USP32: variants seen among roughly 807,000 people sequenced by gnomAD.
USP32 encodes the protein ubiquitin specific peptidase 32.
A neutral mutation model predicts 204.8 loss-of-function variants in USP32; 59 were observed. The ratio of observed to expected loss-of-function variants is 0.29; its 90% CI spans 0.23 to 0.36. USP32 has a LOEUF of 0.36. USP32 is among the 10% of genes least tolerant of loss of function. The pLI, the probability that USP32 is intolerant of heterozygous loss-of-function variation, is 1.00. For missense variants in USP32, 1,160 were observed against 1,946.4 expected (o/e 0.60, Z 7.60); for synonymous variants, 517 against 678.4 (o/e 0.76, Z 3.70).
intron 10 of USP32, among the ~76,000 whole-genome samples, chr17:60,254,575 T>G (rs1181937547): frequency 2.0e-5 from 3 of 152,188 alleles, no homozygotes; most frequent in Admixed American, 1.3e-4. Context: ...GGCACATGCC[T>G]ATAGTCCCAG....
At chr17:60,198,884 C>T (rs1275837237) in intron 26 of USP32, among the ~76,000 whole-genome samples, 1 of 152,138 alleles carries the variant, frequency 6.6e-6, no homozygotes, top group Non-Finnish European at 1.5e-5. Context: ...AAGGCTGAGG[C>T]AAGAGGATCC....
chr17:60,336,236 T>C (rs2088513488), intron 2 of USP32, among the ~76,000 whole-genome samples: 1 of 143,202 alleles, frequency 7.0e-6, no homozygotes, highest in Non-Finnish European at 1.5e-5. Flanking sequence ...TTGTGAACTC[T>C]GTTTTTCAAT....
chr17:60,392,095 T>C lies in USP32; in HGVS notation c.-156A>G. The C allele has an allele frequency of 1.3e-6, 1 of 743,152 alleles. No individual in the cohort carries two copies. The highest frequency in any genetic ancestry group is 2.0e-5 in the South Asian group (1 of 50,970). 46.0% of individuals were successfully genotyped at this position (743,152 alleles called of 1,614,324 possible). A position where few individuals can be genotyped will look rare whatever the true frequency, so the allele number is the denominator to read the frequency against. Reference sequence around the variant, plus strand: ...CAAGTGCGGCTTCTGCCCCGGCGGCTCCTCCCGGTCGCCGCCACCGCCTCC... The same window carrying C: ...CAAGTGCGGCTTCTGCCCCGGCGGCCCCTCCCGGTCGCCGCCACCGCCTCC... On this transcript the variant is annotated 5_prime_UTR_variant, in exon 1 of 34. Coordinates refer to ENST00000300896, the MANE Select transcript of USP32 (RefSeq NM_032582.4).
chr17:60,266,112 T>G, intron 7 of USP32, 21 bp from the exon 8 acceptor site: 5 of 1,574,602 alleles, frequency 3.2e-6, no homozygotes, highest in Non-Finnish European at 4.4e-6. Context: ...GAAACTCTTA[T>G]GGAGGAAAAT....
At chr17:60,182,495 G>A (rs2084136436) in intron 31 of USP32, among the ~76,000 whole-genome samples, 1 of 152,170 alleles carries the variant, frequency 6.6e-6, no homozygotes, top group South Asian at 2.1e-4. Flanking sequence ...AGGCACAGTG[G>A]CTCACACCTG....
At chr17:60,398,930 A>G (rs2089917020) in intron 1 of USP32, among the ~76,000 whole-genome samples, 1 of 152,126 alleles carries the variant, frequency 6.6e-6, no homozygotes, top group Non-Finnish European at 1.5e-5. Context: ...GCAGTGAGCT[A>G]TGATCATGCC....
rs2089848546 is a variant in USP32 at position 60,392,055 on chromosome 17, C to T, written c.-116G>A. 8.0e-7 allele frequency: 1 copy of T among 1,251,630 alleles called. No individual in the cohort carries two copies. The highest frequency in any genetic ancestry group is 2.1e-5 in the Admixed American group (1 of 46,802). 77.5% of individuals were successfully genotyped at this position (1,251,630 alleles called of 1,614,324 possible). A position where few individuals can be genotyped will look rare whatever the true frequency, so the allele number is the denominator to read the frequency against. ...CGGTGTCGGCGTCCCCCGCCCCCAC[C>T]TCCCCCCACACTAACAAGTGCGGCT... On this transcript the variant is annotated 5_prime_UTR_variant, in exon 1 of 34. Transcript: ENST00000300896.
intron 2 of USP32, among the ~76,000 whole-genome samples, chr17:60,309,002 C>T (rs1380067862): frequency 6.6e-6 from 1 of 152,074 alleles, no homozygotes; most frequent in Non-Finnish European, 1.5e-5. Context: ...GACTGAAGAC[C>T]TAAATCCAAA....
At chr17:60,290,108 C>T (rs1026684468) in intron 4 of USP32, among the ~76,000 whole-genome samples, 13 of 152,276 alleles carry the variant, frequency 8.5e-5, no homozygotes, top group African/African-American at 1.9e-4. Flanking sequence ...AAAGCATTCA[C>T]GATACATTGC....
intron 1 of USP32, among the ~76,000 whole-genome samples, chr17:60,397,944 AT>A (rs1485219449): frequency 6.6e-6 from 1 of 152,168 alleles, no homozygotes; most frequent in Non-Finnish European, 1.5e-5. Flanking sequence ...GTACCATGTG[AT>A]TTATGATTCT....
At chr17:60,360,234 G>A (rs2089175230) in intron 1 of USP32, among the ~76,000 whole-genome samples, 1 of 152,138 alleles carries the variant, frequency 6.6e-6, no homozygotes, top group African/African-American at 2.4e-5. Context: ...CAGCACTTTG[G>A]GATGCGAGGT....
At chr17:60,336,159 T>C (rs2088511449) in intron 2 of USP32, among the ~76,000 whole-genome samples, 1 of 143,236 alleles carries the variant, frequency 7.0e-6, no homozygotes, top group South Asian at 2.1e-4. Context: ...TGTAATGTTC[T>C]TGATGTAAAG....
chr17:60,186,009 C>T (rs1204897494), intron 29 of USP32: 5 of 174,976 alleles, frequency 2.9e-5, no homozygotes, highest in South Asian at 3.5e-4. Flanking sequence ...ACTGTGATTA[C>T]ACCACTGCGC....
intron 1 of USP32, among the ~76,000 whole-genome samples, chr17:60,418,166 C>G (rs997220969): frequency 6.6e-6 from 1 of 152,088 alleles, no homozygotes; most frequent in South Asian, 2.1e-4. Flanking sequence ...CCATGTCAGT[C>G]AGGCTGGTCT....
At chr17:60,225,672 G>C (rs1188532927) in intron 13 of USP32, among the ~76,000 whole-genome samples, 1 of 151,914 alleles carries the variant, frequency 6.6e-6, no homozygotes, top group African/African-American at 2.4e-5. Context: ...TCCATGGGGA[G>C]GCCAGGCATG....
At chr17:60,401,128 C>A (rs2089931527) in intron 1 of USP32, among the ~76,000 whole-genome samples, 1 of 151,636 alleles carries the variant, frequency 6.6e-6, no homozygotes, top group African/African-American at 2.4e-5. Flanking sequence ...TGCACTCCAA[C>A]CTGGGTGACA....
intron 1 of USP32, among the ~76,000 whole-genome samples, chr17:60,367,863 A>T (rs1416225579): frequency 6.6e-6 from 1 of 152,186 alleles, no homozygotes; most frequent in East Asian, 1.9e-4. Context: ...CTCTGTACCA[A>T]ACACGTACAG....
At chr17:60,262,025 C>T (rs537797456) in intron 9 of USP32, among the ~76,000 whole-genome samples, 8 of 152,114 alleles carry the variant, frequency 5.3e-5, no homozygotes, top group Non-Finnish European at 1.0e-4. Flanking sequence ...ACATATAGAG[C>T]ATTATGCTTA....
chr17:60,234,207 G>A (rs558847243), intron 12 of USP32, among the ~76,000 whole-genome samples: 6 of 150,738 alleles, frequency 4.0e-5, no homozygotes, highest in East Asian at 2.0e-4. Context: ...TCCGCCTCCC[G>A]GGTTCAAGCC....
Sources: gnomAD v4.1 joint callset for allele counts (sites outside exome capture counted in the v4.1 genomes callset) on GRCh38, gnomAD v4.1.1 for gene constraint, MANE v1.5 for transcripts, NCBI Gene and HGNC (gene_info 2026-07-23, HGNC 2026-07-21) for gene names.